ANO10: variants seen among roughly 807,000 people sequenced by gnomAD.
The protein encoded by ANO10 is anoctamin-10.
ANO10 carries 77 observed loss-of-function variants against 74.7 expected under a neutral mutation model. That is an observed-to-expected ratio of 1.03 (90% CI 0.86 to 1.25). The LOEUF is 1.25. ANO10 is among the 50% of genes most tolerant of loss of function. ANO10 has a pLI of 0.00. For synonymous variants in ANO10, 279 were observed against 284.9 expected (o/e 0.98, Z 0.21); for missense variants, 721 against 778.1 (o/e 0.93, Z 0.87).
chr3:43,371,401 AC>A (rs1199817981), intron 12 of ANO10, among the ~76,000 whole-genome samples: 2 of 152,114 alleles, frequency 1.3e-5, no homozygotes, highest in East Asian at 3.9e-4. Context: ...CCCCCGAGCC[AC>A]CCCAGCCTTG....
chr3:43,473,396 G>C (rs1240127217), intron 11 of ANO10, among the ~76,000 whole-genome samples: 1 of 152,030 alleles, frequency 6.6e-6, no homozygotes, highest in East Asian at 1.9e-4. Flanking sequence ...CACTCTACTT[G>C]CTCCCCTTGC....
chr3:43,641,371 T>C (rs921445017), intron 1 of ANO10, among the ~76,000 whole-genome samples: 6 of 152,156 alleles, frequency 3.9e-5, no homozygotes, highest in African/African-American at 1.4e-4. Flanking sequence ...AAAAATCCAA[T>C]ACCTATATTC....
At chr3:43,433,230 G>A (rs1000135826) in intron 11 of ANO10, among the ~76,000 whole-genome samples, 2 of 151,892 alleles carry the variant, frequency 1.3e-5, no homozygotes, top group African/African-American at 4.8e-5. Flanking sequence ...TACAGGTGTT[G>A]AGCGACCACA....
At chr3:43,522,954 G>A (rs1321721958) in intron 11 of ANO10, among the ~76,000 whole-genome samples, 2 of 152,174 alleles carry the variant, frequency 1.3e-5, no homozygotes, top group Non-Finnish European at 2.9e-5. Flanking sequence ...TATAGATCAT[G>A]TGCCCACGTC....
intron 4 of ANO10, among the ~76,000 whole-genome samples, chr3:43,584,603 G>A (rs1157341658): frequency 6.6e-6 from 1 of 152,134 alleles, no homozygotes; most frequent in Non-Finnish European, 1.5e-5. Flanking sequence ...ACCCCCTTCA[G>A]CTATCGGCTC....
chr3:43,451,027 A>C (rs554115229), intron 11 of ANO10, among the ~76,000 whole-genome samples: 1 of 152,240 alleles, frequency 6.6e-6, no homozygotes, highest in African/African-American at 2.4e-5. Flanking sequence ...GAAACTCCCT[A>C]TTTTCAAAGT....
intron 11 of ANO10, among the ~76,000 whole-genome samples, chr3:43,530,778 T>C (rs1387448556): frequency 6.6e-6 from 1 of 152,190 alleles, no homozygotes; most frequent in Non-Finnish European, 1.5e-5. Context: ...TATGTATATA[T>C]AAGAAAAAAC....
intron 11 of ANO10, among the ~76,000 whole-genome samples, chr3:43,487,372 A>G (rs1046503702): frequency 2.0e-5 from 3 of 152,108 alleles, no homozygotes; most frequent in African/African-American, 7.2e-5. Flanking sequence ...TAGTTTCAGA[A>G]GGAATGGTAC....
At chr3:43,553,024 C>T (rs1167853509) in intron 10 of ANO10, among the ~76,000 whole-genome samples, 2 of 152,046 alleles carry the variant, frequency 1.3e-5, no homozygotes, top group South Asian at 2.1e-4. Flanking sequence ...AAACTTCTGA[C>T]CTCAGGTGAT....
At chr3:43,379,014 C>CA (rs1278161199) in intron 12 of ANO10, among the ~76,000 whole-genome samples, 1 of 152,176 alleles carries the variant, frequency 6.6e-6, no homozygotes, top group African/African-American at 2.4e-5. Flanking sequence ...TCCTGAGTGG[C>CA]AGTCCCTGTA....
rs561339157 is a variant in ANO10 at position 43,450,014 on chromosome 3, C to G, written c.1798-17287G>C. ...ATTTGTACATTTCTTTTTAGATTTACACCTAAGTACTGCATTTTTTTGGAG... is the reference window on the plus strand; with the variant it reads ...ATTTGTACATTTCTTTTTAGATTTAGACCTAAGTACTGCATTTTTTTGGAG... On this transcript the variant is annotated intron_variant, in intron 11 of 12. Coordinates refer to ENST00000292246, the MANE Select transcript of ANO10 (RefSeq NM_018075.5). 7.9e-5 allele frequency among the ~76,000 whole-genome samples: 12 copies of G among 152,222 alleles called. No homozygotes were observed. In the South Asian group the frequency reaches 2.5e-3, roughly 32 times the overall value.
At chr3:43,431,009 GCTTC>G (rs535740972) in intron 12 of ANO10, among the ~76,000 whole-genome samples, 129 of 151,500 alleles carry the variant, frequency 8.5e-4, no homozygotes, top group African/African-American at 2.9e-3. Context: ...TTTGTAACTT[GCTTC>G]CTTACCAAAT....
At chr3:43,398,183 A>G (rs1020715906) in intron 12 of ANO10, among the ~76,000 whole-genome samples, 2 of 152,246 alleles carry the variant, frequency 1.3e-5, no homozygotes, top group East Asian at 1.9e-4. Context: ...TTTAGAACAA[A>G]TAACAACAAA....
At chr3:43,559,037 T>C (rs773078522) in intron 9 of ANO10, among the ~76,000 whole-genome samples, 30 of 152,356 alleles carry the variant, frequency 2.0e-4, no homozygotes, top group South Asian at 4.1e-4. Context: ...AGATTCTGAA[T>C]TGGGAAGGCA....
rs558533423 is a variant in ANO10 at position 43,682,529 on chromosome 3, G to T, written c.-12+8988C>A. ...AGGAGGAACTGGTACCATTCCTTCT[G>T]AAACTATTCCAATCAATAGAAAAAG... On this transcript the variant is annotated intron_variant, in intron 1 of 3. Coordinates refer to the ANO10 transcript ENST00000413397. Among the ~76,000 whole-genome samples, 58 of 152,248 alleles carry T rather than the reference G, an allele frequency of 3.8e-4. 1 individual carries two copies. Among genetic ancestry groups the T allele is most frequent in the Middle Eastern group, 6.8e-3 (2 of 294 alleles).
At chr3:43,610,440 A>T (rs762470358) in intron 1 of ANO10, among the ~76,000 whole-genome samples, 7 of 152,200 alleles carry the variant, frequency 4.6e-5, no homozygotes, top group Non-Finnish European at 8.8e-5. Context: ...AAGTGGGTTC[A>T]TTACCATTGT....
chr3:43,471,143 G>C (rs2075841783), intron 11 of ANO10, among the ~76,000 whole-genome samples: 1 of 152,018 alleles, frequency 6.6e-6, no homozygotes. Flanking sequence ...CTGCTGTGGT[G>C]ACCCAGAAAA....
At chr3:43,619,695 CA>C (rs143726176) in intron 1 of ANO10, among the ~76,000 whole-genome samples, 2 of 144,318 alleles carry the variant, frequency 1.4e-5, no homozygotes, top group African/African-American at 2.6e-5. Flanking sequence ...ACAATAAATA[CA>C]AAAAAAAAGA....
At chr3:43,570,565 C>A (rs1029109798) in intron 7 of ANO10, among the ~76,000 whole-genome samples, 1 of 152,124 alleles carries the variant, frequency 6.6e-6, no homozygotes. Context: ...ACAAACCTCA[C>A]AAAAACAAGC....
Sources: allele counts gnomAD v4.1 joint callset (sites outside exome capture counted in the v4.1 genomes callset), GRCh38; gene constraint gnomAD v4.1.1; transcripts MANE v1.5; gene names NCBI Gene and HGNC (gene_info 2026-07-23, HGNC 2026-07-21).